PHF21A: variants seen among roughly 807,000 people sequenced by gnomAD.
The protein encoded by PHF21A is PHD finger protein 21A, also known as BHC80a.
PHF21A carries 11 observed loss-of-function variants against 82.5 expected under a neutral mutation model. That is an observed-to-expected ratio of 0.13 (90% CI 0.08 to 0.22). PHF21A has a LOEUF of 0.22. Ranked by LOEUF, PHF21A falls within the 10% of genes least tolerant of loss-of-function variation. The probability of loss-of-function intolerance (pLI) is 1.00; values close to 1 mark genes in which losing one functional copy is unlikely to be tolerated. For synonymous variants in PHF21A, 297 were observed against 302.8 expected (o/e 0.98, Z 0.20); for missense variants, 579 against 837.8 (o/e 0.69, Z 3.81).
intron 18 of PHF21A, chr11:45,934,429 G>C (rs1297628936): frequency 1.8e-6 from 1 of 549,260 alleles, no homozygotes; most frequent in Admixed American, 3.4e-5. Context: ...TAGGCTGGGG[G>C]GTCCCAGGTC....
At chr11:46,027,132 T>C (rs550122245) in intron 6 of PHF21A, 1 of 152,282 alleles carries the variant, frequency 6.6e-6, no homozygotes, top group South Asian at 2.1e-4. Context: ...AGATTATAAA[T>C]AGGCTGCCAA....
At chr11:45,937,465 T>C (rs571056484) in intron 16 of PHF21A, among the ~76,000 whole-genome samples, 2 of 152,228 alleles carry the variant, frequency 1.3e-5, no homozygotes, top group South Asian at 4.1e-4. Context: ...AAAAGTGAAA[T>C]GGGTGTTGTT....
chr11:46,007,877 C>T (rs920987577), intron 6 of PHF21A, among the ~76,000 whole-genome samples: 3 of 152,070 alleles, frequency 2.0e-5, no homozygotes, highest in African/African-American at 2.4e-5. Context: ...AGTGGAATGT[C>T]AGAGTCTTTA....
chr11:46,089,708 T>C (rs930356819), intron 3 of PHF21A, among the ~76,000 whole-genome samples: 17 of 150,058 alleles, frequency 1.1e-4, no homozygotes, highest in African/African-American at 3.9e-4. Context: ...TCCTATGAAA[T>C]AAAAAAATAT....
chr11:45,994,595 T>C (rs2094837663), intron 6 of PHF21A, among the ~76,000 whole-genome samples: 2 of 152,216 alleles, frequency 1.3e-5, no homozygotes, highest in African/African-American at 4.8e-5. Flanking sequence ...ATGCTGAATT[T>C]ACTTATCTCA....
chr11:45,970,274 A>G (rs1036705855), intron 8 of PHF21A: 2 of 251,770 alleles, frequency 7.9e-6, no homozygotes, highest in Admixed American at 5.6e-5. Flanking sequence ...TTTTCCTGAT[A>G]TAAGCTAACA....
intron 6 of PHF21A, among the ~76,000 whole-genome samples, chr11:46,035,804 G>C (rs1254110855): frequency 6.6e-6 from 1 of 152,166 alleles, no homozygotes; most frequent in South Asian, 2.1e-4. Flanking sequence ...AGAAAAGTTA[G>C]AGTTTGAAGA....
intron 15 of PHF21A, among the ~76,000 whole-genome samples, chr11:45,938,851 T>G (rs1455847346): frequency 2.0e-5 from 3 of 151,724 alleles, no homozygotes; most frequent in Non-Finnish European, 4.4e-5. Context: ...TTTTTTTTTT[T>G]GAGACAGAGT....
chr11:46,089,439 CATAAT>C (rs2096897297), intron 3 of PHF21A, among the ~76,000 whole-genome samples: 1 of 152,012 alleles, frequency 6.6e-6, no homozygotes, highest in African/African-American at 2.4e-5. Context: ...CATTAAAAAA[CATAAT>C]GTAATGTCTA....
At chr11:45,946,437 G>A (rs916789131) in intron 14 of PHF21A, among the ~76,000 whole-genome samples, 1 of 152,202 alleles carries the variant, frequency 6.6e-6, no homozygotes, top group Admixed American at 6.5e-5. Flanking sequence ...AGGCTGGAGT[G>A]CTGTGGCACG....
chr11:45,987,660 C>CAA (rs71038877), intron 6 of PHF21A, among the ~76,000 whole-genome samples: 1,181 of 34,914 alleles, frequency 0.034, 362 homozygotes, highest in Non-Finnish European at 0.04. Flanking sequence ...GACCCCGTCT[C>CAA]AAAAAAAAAA....
Position 46,004,206 on chromosome 11 carries a change from G to T in PHF21A, c.154-24240C>A, listed in dbSNP as rs2095233079. ...TAGATTCTTAAAATCATTGAATTAT[G>T]CATACTGGTAAGAAATTTCATCCAA... is the stretch of plus-strand genomic sequence containing the variant. On this transcript the variant is annotated intron_variant, in intron 6 of 18. Coordinates refer to ENST00000676320, the MANE Select transcript of PHF21A (RefSeq NM_001352027.3). 2.0e-5 allele frequency among the ~76,000 whole-genome samples: 3 copies of T among 152,084 alleles called. No individual in the cohort carries two copies. In the South Asian group the frequency reaches 6.2e-4, roughly 32 times the overall value.
chr11:46,020,508 C>T (rs974582346), intron 6 of PHF21A, among the ~76,000 whole-genome samples: 17 of 152,180 alleles, frequency 1.1e-4, no homozygotes, highest in African/African-American at 3.9e-4. Flanking sequence ...AAAGCAGGCC[C>T]TGGATACAAC....
At chr11:45,937,363 G>T (rs1590917230) in intron 16 of PHF21A, among the ~76,000 whole-genome samples, 2 of 152,210 alleles carry the variant, frequency 1.3e-5, no homozygotes, top group East Asian at 3.8e-4. Context: ...AGGGAGGCTA[G>T]GACAGTTACT....
chr11:46,058,848 T>C (rs1450259643), intron 6 of PHF21A, among the ~76,000 whole-genome samples: 1 of 152,054 alleles, frequency 6.6e-6, no homozygotes, highest in Non-Finnish European at 1.5e-5. Context: ...GATACAAACA[T>C]GGGAACTTCG....
intron 6 of PHF21A, among the ~76,000 whole-genome samples, chr11:46,072,959 T>A (rs1223086505): frequency 6.6e-6 from 1 of 152,158 alleles, no homozygotes; most frequent in Non-Finnish European, 1.5e-5. Flanking sequence ...AATATCTCCA[T>A]AAAAGATCAC....
chr11:45,935,094 G>A lies in PHF21A; in HGVS notation c.1788+542C>T. ...GCAAATACAACCCTCTTTCCCACTTGGACAGGCCGGGCTGGGCAGTACTTA... is the reference window on the plus strand; with the variant it reads ...GCAAATACAACCCTCTTTCCCACTTAGACAGGCCGGGCTGGGCAGTACTTA... On this transcript the variant is annotated intron_variant, in intron 18 of 18. Transcript: ENST00000676320. 4 of 1,287,260 alleles carry A rather than the reference G, an allele frequency of 3.1e-6. 1 individual carries two copies. The highest frequency in any genetic ancestry group is 5.6e-5 in the East Asian group (1 of 18,008). The allele number at this position is 1,287,260 out of a possible 1,614,324, so 79.7% of individuals were successfully genotyped here.
intron 1 of PHF21A, among the ~76,000 whole-genome samples, chr11:46,097,153 T>G (rs2097010031): frequency 6.6e-6 from 1 of 152,076 alleles, no homozygotes. Context: ...CTAACTGGCC[T>G]CCCCAATTCT....
chr11:45,973,078 CAAAA>C (rs751065490), intron 7 of PHF21A, among the ~76,000 whole-genome samples: 1 of 151,358 alleles, frequency 6.6e-6, no homozygotes. Flanking sequence ...GACTTCGTCT[CAAAA>C]AAAAATAAAT....
Sources: gnomAD v4.1 joint callset for allele counts (sites outside exome capture counted in the v4.1 genomes callset) on GRCh38, gnomAD v4.1.1 for gene constraint, MANE v1.5 for transcripts, NCBI Gene and HGNC (gene_info 2026-07-23, HGNC 2026-07-21) for gene names.